The following EGFLAM variants were observed in gnomAD, a reference collection of about 807,000 sequenced individuals.
EGFLAM encodes EGF like, fibronectin type III and laminin G domains.
A neutral mutation model predicts 113.1 loss-of-function variants in EGFLAM; 79 were observed. The ratio of observed to expected loss-of-function variants is 0.70; its 90% CI spans 0.58 to 0.84. The LOEUF is 0.84. Among genes scored for constraint, EGFLAM ranks in the 40% least tolerant of loss-of-function variants. EGFLAM has a pLI of 0.00. For synonymous variants in EGFLAM, 504 were observed against 487.6 expected, an observed-to-expected ratio of 1.03 and a Z score of -0.44; for missense variants, 1,265 against 1,291.6, an observed-to-expected ratio of 0.98 and a Z score of 0.32.
chr5:38,348,736 T>C (rs922196832), intron 3 of EGFLAM, among the ~76,000 whole-genome samples: 8 of 152,040 alleles, frequency 5.3e-5, no homozygotes, highest in African/African-American at 1.4e-4. Flanking sequence ...TTACTGTTTT[T>C]AAGGTGTGTG....
At chr5:38,275,025 T>A (rs1262290415) in intron 1 of EGFLAM, among the ~76,000 whole-genome samples, 1 of 152,152 alleles carries the variant, frequency 6.6e-6, no homozygotes, top group African/African-American at 2.4e-5. Context: ...CTTAAAATAA[T>A]CTGTTATAAC....
Position 38,431,221 on chromosome 5 carries a change from T to C in EGFLAM, c.2099T>C (p.Val700Ala), listed in dbSNP as rs755460850. The stretch of plus-strand genomic sequence containing the variant: ...CTGGGCAACTGGCACGAGCTTCGTG[T>C]ATCTCGCACAGCAAAGAATGGAATC... ...LTLGNWHELR[V>A]SRTAKNGILQ... The change falls in exon 15 of 22, where the codon GTA becomes GCA. Residue 700 changes from valine (V) to alanine (A), a missense_variant. Coordinates refer to ENST00000322350, the MANE Select transcript of EGFLAM (RefSeq NM_152403.4). The C allele has an allele frequency of 7.4e-6, 12 of 1,614,064 alleles. No individual in the cohort carries two copies. The highest frequency in any genetic ancestry group is 9.3e-6 in the Non-Finnish European group (11 of 1,180,028).
intron 13 of EGFLAM, among the ~76,000 whole-genome samples, chr5:38,425,483 A>G (rs890041918): frequency 1.3e-5 from 2 of 152,114 alleles, no homozygotes; most frequent in African/African-American, 4.8e-5. Context: ...ATGTACTTTT[A>G]ACAAATCTAA....
intron 21 of EGFLAM, among the ~76,000 whole-genome samples, chr5:38,463,260 C>T (rs1282911190): frequency 1.3e-5 from 2 of 152,164 alleles, no homozygotes; most frequent in Non-Finnish European, 2.9e-5. Context: ...GTTTATAGAA[C>T]AGGAACCTGC....
chr5:38,324,533 A>G (rs550279597), intron 1 of EGFLAM, among the ~76,000 whole-genome samples: 3 of 152,308 alleles, frequency 2.0e-5, no homozygotes, highest in African/African-American at 7.2e-5. Context: ...TCAAAATGCA[A>G]ATGTCACTTG....
chr5:38,262,445 G>A (rs373437095), intron 1 of EGFLAM, among the ~76,000 whole-genome samples: 7 of 152,184 alleles, frequency 4.6e-5, no homozygotes, highest in African/African-American at 7.2e-5. Flanking sequence ...TGTAATCACC[G>A]CCGGAATAGA....
At chr5:38,395,239 CTTT>C (rs1221649921) in intron 6 of EGFLAM, among the ~76,000 whole-genome samples, 11 of 114,652 alleles carry the variant, frequency 9.6e-5, no homozygotes, top group Admixed American at 9.0e-5. Flanking sequence ...CATGCCTAGC[CTTT>C]TTTTTTTTTT....
chr5:38,375,669 A>T (rs751196947), intron 6 of EGFLAM, among the ~76,000 whole-genome samples: 2 of 151,842 alleles, frequency 1.3e-5, no homozygotes, highest in Non-Finnish European at 2.9e-5. Flanking sequence ...TAATGGGGCA[A>T]TTGGAAGATC....
chr5:38,284,368 T>C (rs1579724823), intron 1 of EGFLAM, among the ~76,000 whole-genome samples: 1 of 152,244 alleles, frequency 6.6e-6, no homozygotes, highest in Admixed American at 6.5e-5. Flanking sequence ...CTTTTATTTC[T>C]ATTTACGGGG....
chr5:38,372,129 C>T (rs567238210), intron 6 of EGFLAM, among the ~76,000 whole-genome samples: 62 of 152,000 alleles, frequency 4.1e-4, no homozygotes, highest in African/African-American at 1.4e-3. Flanking sequence ...GGTTGGGGCA[C>T]CTCTCATACT....
chr5:38,427,860 A>T (rs1742066895), intron 14 of EGFLAM, among the ~76,000 whole-genome samples: 1 of 152,236 alleles, frequency 6.6e-6, no homozygotes, highest in African/African-American at 2.4e-5. Flanking sequence ...GTGCTTCTGC[A>T]GTACTTGCTG....
intron 1 of EGFLAM, among the ~76,000 whole-genome samples, chr5:38,284,523 T>C (rs1369872658): frequency 6.6e-6 from 1 of 152,220 alleles, no homozygotes; most frequent in South Asian, 2.1e-4. Context: ...GGCTGTGGTT[T>C]GCTGAACCTG....
At chr5:38,422,647 C>A (rs920419384) in intron 12 of EGFLAM, among the ~76,000 whole-genome samples, 1 of 152,070 alleles carries the variant, frequency 6.6e-6, no homozygotes, top group African/African-American at 2.4e-5. Context: ...ATATTAAGAA[C>A]AGAATTATTT....
chr5:38,271,567 C>T (rs769972482), intron 1 of EGFLAM, among the ~76,000 whole-genome samples: 1 of 152,192 alleles, frequency 6.6e-6, no homozygotes, highest in Non-Finnish European at 1.5e-5. Context: ...CTCCTCTTCA[C>T]TTTCCCAATG....
chr5:38,441,638 G>A (rs981761398), intron 17 of EGFLAM, among the ~76,000 whole-genome samples: 4 of 146,054 alleles, frequency 2.7e-5, no homozygotes, highest in South Asian at 2.1e-4. Context: ...TCACGTACAC[G>A]AAATGGGAGG....
chr5:38,290,804 G>C (rs989088028), intron 1 of EGFLAM: 6 of 152,892 alleles, frequency 3.9e-5, no homozygotes, highest in African/African-American at 1.4e-4. Context: ...GGGGTCGGCC[G>C]GGCGCGGTGG....
At chr5:38,444,193 T>G (rs2914346) in intron 17 of EGFLAM, among the ~76,000 whole-genome samples, 26,860 of 152,100 alleles carry the variant, frequency 0.18, 2,640 homozygotes, top group African/African-American at 0.26. Flanking sequence ...TGTGTCACCA[T>G]ATGGCACAAG....
chr5:38,314,310 T>C (rs1044148268), intron 1 of EGFLAM, among the ~76,000 whole-genome samples: 2 of 152,224 alleles, frequency 1.3e-5, no homozygotes, highest in African/African-American at 4.8e-5. Flanking sequence ...ATTCCAAGGC[T>C]ATCTGTTCTG....
At chr5:38,369,202 A>G (rs1247178661) in intron 5 of EGFLAM, among the ~76,000 whole-genome samples, 1 of 152,258 alleles carries the variant, frequency 6.6e-6, no homozygotes, top group African/African-American at 2.4e-5. Flanking sequence ...AAGGGCAAGA[A>G]GAAAGAAATG....
Sources: gnomAD v4.1 joint callset for allele counts (sites outside exome capture counted in the v4.1 genomes callset) on GRCh38, gnomAD v4.1.1 for gene constraint, MANE v1.5 for transcripts, NCBI Gene and HGNC (gene_info 2026-07-23, HGNC 2026-07-21) for gene names.